TSPAN11: variants seen among roughly 807,000 people sequenced by gnomAD.
TSPAN11 encodes tetraspanin-11.
A neutral mutation model predicts 32.9 loss-of-function variants in TSPAN11; 29 were observed. The ratio of observed to expected loss-of-function variants is 0.88; its 90% CI spans 0.66 to 1.20. The LOEUF is 1.20. TSPAN11 is among the 50% of genes most tolerant of loss of function. The pLI is 0.00. For missense variants in TSPAN11, 283 were observed against 329.1 expected (o/e 0.86, Z 1.08); for synonymous variants, 140 against 141.3 (o/e 0.99, Z 0.07).
chr12:30,963,110 C>T (rs191017104), intron 2 of TSPAN11, among the ~76,000 whole-genome samples: 2 of 152,150 alleles, frequency 1.3e-5, no homozygotes, highest in Non-Finnish European at 2.9e-5. Flanking sequence ...GGGAATCAGA[C>T]AATTAGCAAA....
chr12:31,014,293 A>G, the TSPAN11 span, among the ~76,000 whole-genome samples: 1 of 152,238 alleles, frequency 6.6e-6, no homozygotes, highest in African/African-American at 2.4e-5. Flanking sequence ...CTCTCAGCAG[A>G]TGGTATTTCC....
chr12:30,939,975 C>T (rs1326584849), intron 1 of TSPAN11, among the ~76,000 whole-genome samples: 4 of 152,100 alleles, frequency 2.6e-5, no homozygotes, highest in East Asian at 1.9e-4. Context: ...AATTGGAAAA[C>T]GAGAGAAAAG....
intron 2 of TSPAN11, among the ~76,000 whole-genome samples, chr12:30,955,872 A>C (rs910731717): frequency 1.3e-5 from 2 of 152,222 alleles, no homozygotes; most frequent in Non-Finnish European, 2.9e-5. Context: ...TCTTAACTTG[A>C]TTACATCTGT....
At chr12:30,973,573 G>A (rs1229914023) in intron 3 of TSPAN11, among the ~76,000 whole-genome samples, 12 of 152,144 alleles carry the variant, frequency 7.9e-5, no homozygotes. Flanking sequence ...GAGAAGCAAG[G>A]CCAGCCTGCC....
chr12:30,992,284 G>A lies in TSPAN11; in HGVS notation c.*369G>A, dbSNP rs1268580857. ...CTGGAACAATCGGCAGAAAACCCAG[G>A]AACCCCGGCACTCCTGCATTCAGCA... is the stretch of plus-strand genomic sequence containing the variant. On this transcript the variant is annotated 3_prime_UTR_variant, in exon 8 of 8. Coordinates refer to ENST00000546076, the MANE Select transcript of TSPAN11 (RefSeq NM_001370302.1). The A allele has an allele frequency of 3.2e-6, 1 of 315,210 alleles. No homozygotes were observed. The allele number at this position is 315,210 out of a possible 1,614,324, so 19.5% of individuals were successfully genotyped here.
chr12:30,977,493 C>T (rs1025622909), intron 3 of TSPAN11, among the ~76,000 whole-genome samples: 7 of 152,234 alleles, frequency 4.6e-5, no homozygotes, highest in Admixed American at 3.9e-4. Flanking sequence ...ATGAGTCTGG[C>T]TGAGCTTCCC....
chr12:30,964,353 C>T (rs918322716), intron 3 of TSPAN11, among the ~76,000 whole-genome samples: 2 of 151,092 alleles, frequency 1.3e-5, no homozygotes, highest in East Asian at 3.9e-4. Flanking sequence ...CTATTCTGTA[C>T]CCTTCCCCTC....
At chr12:31,003,287 C>T in the TSPAN11 span, among the ~76,000 whole-genome samples, 3 of 152,212 alleles carry the variant, frequency 2.0e-5, no homozygotes, top group Non-Finnish European at 4.4e-5. Context: ...GACCGTTCTG[C>T]AGGACAGGCA....
In TSPAN11 at chr12:30,984,068, G is replaced by A. The variant is rs374001540; in HGVS notation, c.702+918G>A. On this transcript the variant is annotated intron_variant, in intron 7 of 7. Transcript: ENST00000546076. ...CTAGTCAAGGGTCCGAAGGAGGGGA[G>A]CCAGGAAGGCCTCCTCAGCGGCAAG... Among the ~76,000 whole-genome samples the A allele has an allele frequency of 1.6e-4, 24 of 152,324 alleles. No individual in the cohort carries two copies. In the South Asian group the frequency reaches 4.8e-3, roughly 30 times the overall value.
chr12:30,964,676 T>C (rs751473045), intron 3 of TSPAN11, among the ~76,000 whole-genome samples: 9 of 152,196 alleles, frequency 5.9e-5, no homozygotes, highest in Non-Finnish European at 1.2e-4. Context: ...AGTGTGTATC[T>C]CTAAACTTAA....
intron 3 of TSPAN11, among the ~76,000 whole-genome samples, chr12:30,967,778 G>A (rs1339616722): frequency 1.5e-5 from 2 of 134,708 alleles, no homozygotes; most frequent in Non-Finnish European, 3.3e-5. Flanking sequence ...CAGGGCGCTA[G>A]CAAACAGCAA....
At chr12:31,003,431 G>A in the TSPAN11 span, among the ~76,000 whole-genome samples, 8,295 of 152,232 alleles carry the variant, frequency 0.054, 422 homozygotes, top group East Asian at 0.17. Flanking sequence ...CTCTGCAAAC[G>A]GACAGATGAG....
the TSPAN11 span, among the ~76,000 whole-genome samples, chr12:31,015,250 C>T: frequency 6.6e-6 from 1 of 152,064 alleles, no homozygotes; most frequent in Non-Finnish European, 1.5e-5. This position sits in a 1 kb window ranked among gnomAD's most constrained non-coding sequence, Gnocchi z 4.9. Flanking sequence ...ATGGAGTCTC[C>T]CAGGAAAATG....
At chr12:30,997,986 T>G (rs140457508), downstream of TSPAN11, among the ~76,000 whole-genome samples, 278 of 152,334 alleles carry the variant, frequency 1.8e-3, 1 homozygote, top group Middle Eastern at 0.01. Flanking sequence ...AGCAGCGGCC[T>G]TCTGACTGTT....
rs139199493 is a variant in TSPAN11, at chr12:30,953,100, G to A, written c.-11-881G>A. Among the ~76,000 whole-genome samples the A allele has an allele frequency of 2.0e-4, 31 of 152,300 alleles. No homozygotes were observed. The East Asian group carries it at 2.9e-3, about 14-fold the overall frequency. ...AGAGTCCATCAGTGGGCATCAGAGCGAGGGACAGCATGGTGCTGGGGTAAA... is the reference window on the plus strand; with the variant it reads ...AGAGTCCATCAGTGGGCATCAGAGCAAGGGACAGCATGGTGCTGGGGTAAA... On this transcript the variant is annotated intron_variant, in intron 1 of 7. Transcript: ENST00000546076.
chr12:30,970,419 C>G (rs1345858855), intron 3 of TSPAN11, among the ~76,000 whole-genome samples: 1 of 152,214 alleles, frequency 6.6e-6, no homozygotes, highest in Non-Finnish European at 1.5e-5. Flanking sequence ...GGAACACACA[C>G]AGTGTGATCT....
chr12:30,998,567 C>A (rs1411650487), downstream of TSPAN11, among the ~76,000 whole-genome samples: 2 of 152,212 alleles, frequency 1.3e-5, no homozygotes, highest in Non-Finnish European at 2.9e-5. Flanking sequence ...GTGGCTTGAG[C>A]AGAAAGGGGA....
At chr12:30,963,580 C>T (rs547052331) in intron 2 of TSPAN11, among the ~76,000 whole-genome samples, 3 of 152,298 alleles carry the variant, frequency 2.0e-5, no homozygotes, top group African/African-American at 4.8e-5. Flanking sequence ...TAAAAAGCAC[C>T]GAATTCACAG....
At chr12:30,973,328 T>C (rs1199820424) in intron 3 of TSPAN11, among the ~76,000 whole-genome samples, 1 of 152,194 alleles carries the variant, frequency 6.6e-6, no homozygotes, top group Non-Finnish European at 1.5e-5. Context: ...GGAGAGACCA[T>C]GCAATGTGCT....
Sources: allele counts gnomAD v4.1 joint callset (sites outside exome capture counted in the v4.1 genomes callset), GRCh38; gene constraint gnomAD v4.1.1; non-coding constraint Gnocchi (gnomAD v3.1); transcripts MANE v1.5; gene names NCBI Gene and HGNC (gene_info 2026-07-23, HGNC 2026-07-21).